The following MAP4K4 variants were observed in gnomAD, a reference collection of about 807,000 sequenced individuals.
The protein encoded by MAP4K4 is mitogen-activated protein kinase kinase kinase kinase 4, also known as HPK/GCK-like kinase HGK.
MAP4K4 carries 38 observed loss-of-function variants against 189.6 expected under a neutral mutation model. The observed-to-expected ratio is 0.20, with a 90% CI of 0.15 to 0.26. MAP4K4 has a LOEUF of 0.26. Ranked by LOEUF, MAP4K4 falls within the 10% of genes least tolerant of loss-of-function variation. The pLI, the probability that MAP4K4 is intolerant of heterozygous loss-of-function variation, is 1.00. For synonymous variants in MAP4K4, 610 were observed against 624.3 expected (o/e 0.98, Z 0.34); for missense variants, 1,054 against 1,726.9 (o/e 0.61, Z 6.91).
At chr2:101,859,580 T>C (rs1456530875) in intron 14 of MAP4K4, 63 bp from the exon 15 acceptor site, 2 of 1,262,778 alleles carry the variant, frequency 1.6e-6, no homozygotes, top group Non-Finnish European at 2.2e-6. Context: ...GCCGAACAAA[T>C]CCAGAGAAGA....
chr2:101,869,566 T>G, intron 21 of MAP4K4, 56 bp from the exon 22 acceptor site: 1 of 1,394,856 alleles, frequency 7.2e-7, no homozygotes, highest in Non-Finnish European at 1.0e-6. Flanking sequence ...ACTTCTCATC[T>G]TCTCCTGTCC....
At chr2:101,816,764 A>T (rs927139429) in intron 3 of MAP4K4, among the ~76,000 whole-genome samples, 1 of 152,188 alleles carries the variant, frequency 6.6e-6, no homozygotes, top group Non-Finnish European at 1.5e-5. Flanking sequence ...GAGTGGTGCC[A>T]CTGACCCAGT....
rs545974055 is a variant in MAP4K4 at position 101,708,577 on chromosome 2, A to G, written c.123+10039A>G. 3.3e-4 allele frequency among the ~76,000 whole-genome samples: 50 copies of G among 152,244 alleles called. 1 individual carries two copies. Among genetic ancestry groups the G allele is most frequent in the African/African-American group, 1.2e-3 (49 of 41,546 alleles). ...TGAACAAACCTTTGAGAGATAGAGG[A>G]GTTTGTTCAGCAGTATTTTTTTTTT... On this transcript the variant is annotated intron_variant, in intron 2 of 32. Transcript: ENST00000324219.
intron 2 of MAP4K4, among the ~76,000 whole-genome samples, chr2:101,724,702 A>G (rs761112178): frequency 2.0e-5 from 3 of 152,162 alleles, no homozygotes; most frequent in Non-Finnish European, 4.4e-5. Context: ...CCTGTGGGTG[A>G]TTCGCCTTGA....
chr2:101,698,194 G>GCAGCCGT, intron 1 of MAP4K4, 57 bp downstream of exon 1: 1 of 890,820 alleles, frequency 1.1e-6, no homozygotes, highest in South Asian at 4.7e-5. Flanking sequence ...CCGGCAGCCG[G>GCAGCCGT]GGCCGCGCCC....
At chr2:101,859,485 C>T (rs2097570833) in intron 14 of MAP4K4, among the ~76,000 whole-genome samples, 158 bp from the exon 15 acceptor site, 1 of 152,120 alleles carries the variant, frequency 6.6e-6, no homozygotes, top group East Asian at 1.9e-4. Flanking sequence ...GAGATTTTTC[C>T]ACAGGTAATG....
At chr2:101,790,401 A>G (rs574233648) in intron 2 of MAP4K4, among the ~76,000 whole-genome samples, 2 of 152,070 alleles carry the variant, frequency 1.3e-5, no homozygotes, top group Non-Finnish European at 2.9e-5. Flanking sequence ...ATAGGAAAAT[A>G]TAAAGAAAAA....
At chr2:101,860,473 G>A (rs2097611389) in intron 15 of MAP4K4, 1 of 188,498 alleles carries the variant, frequency 5.3e-6, no homozygotes, top group Non-Finnish European at 1.1e-5. Context: ...ATTTGGTGGA[G>A]TGAAATGCAT....
At chr2:101,892,998 T>G (rs1230323104) in exon 33 of MAP4K4, 5 of 456,324 alleles carry the variant, frequency 1.1e-5, no homozygotes, top group Non-Finnish European at 2.2e-5. Context: ...GCTTGATCTT[T>G]TTCCTTTGTG....
At chr2:101,816,014 G>A (rs1046556675) in intron 3 of MAP4K4, among the ~76,000 whole-genome samples, 4 of 152,178 alleles carry the variant, frequency 2.6e-5, no homozygotes, top group Non-Finnish European at 4.4e-5. Flanking sequence ...CAGCTGCAGC[G>A]GCTGTGGCCT....
chr2:101,712,145 C>T (rs1217839361), intron 2 of MAP4K4, among the ~76,000 whole-genome samples: 1 of 151,888 alleles, frequency 6.6e-6, no homozygotes, highest in African/African-American at 2.4e-5. Context: ...CATTTCTACC[C>T]ACTTGGCCTT....
Position 101,839,814 on chromosome 2 carries a change from T to A in MAP4K4, c.774-5T>A. 1 of 1,574,588 alleles carries A rather than the reference T, an allele frequency of 6.4e-7. No individual in the cohort carries two copies. ...AAATTTGATGATCTTTTTCACTTCT[T>A]ACAGGTCGAAGAAGTTTTTTAGTTT... On this transcript the variant is annotated splice_region_variant and splice_polypyrimidine_tract_variant and intron_variant, in intron 9 of 32. Transcript: ENST00000324219.
At chr2:101,702,005 A>C (rs1003555209) in intron 2 of MAP4K4, among the ~76,000 whole-genome samples, 2 of 152,088 alleles carry the variant, frequency 1.3e-5, no homozygotes, top group Non-Finnish European at 2.9e-5. Context: ...AGTTGGGATT[A>C]CAAGTGCGTG....
exon 33 of MAP4K4, chr2:101,893,741 A>G (rs1337714716): frequency 3.9e-5 from 6 of 154,656 alleles, no homozygotes; most frequent in Admixed American, 3.8e-4. Context: ...ATGGTGTTTC[A>G]TTGGAATTAC....
chr2:101,855,123 C>T (rs993312029), intron 12 of MAP4K4, among the ~76,000 whole-genome samples: 1 of 152,200 alleles, frequency 6.6e-6, no homozygotes, highest in African/African-American at 2.4e-5. Context: ...TCATCTTGCT[C>T]TGTTCTGTAG....
chr2:101,790,087 G>A (rs543622233), intron 2 of MAP4K4, among the ~76,000 whole-genome samples: 20 of 152,120 alleles, frequency 1.3e-4, no homozygotes, highest in Non-Finnish European at 2.4e-4. Context: ...TGATAGTTTC[G>A]TCATGTTATG....
intron 3 of MAP4K4, among the ~76,000 whole-genome samples, chr2:101,792,925 C>G (rs1052230750): frequency 6.6e-5 from 10 of 152,164 alleles, no homozygotes; most frequent in African/African-American, 2.4e-4. Flanking sequence ...TGAGCCACCG[C>G]GTCTGGCCCT....
At chr2:101,700,800 A>C (rs951706929) in intron 2 of MAP4K4, among the ~76,000 whole-genome samples, 2 of 143,212 alleles carry the variant, frequency 1.4e-5, no homozygotes, top group Non-Finnish European at 3.0e-5. Flanking sequence ...TTTTTTTACT[A>C]TAACAAGTTC....
At position 101,825,442 on chromosome 2, in the gene MAP4K4, G is replaced by A; in HGVS notation, c.417+13G>A. Reference sequence around the variant, plus strand: ...AGAAATCCTGAGGGTAAGGAAAGTGGGTGGCTACAGTGCTCCAACTCATGA... The same window carrying A: ...AGAAATCCTGAGGGTAAGGAAAGTGAGTGGCTACAGTGCTCCAACTCATGA... On this transcript the variant is annotated intron_variant, in intron 5 of 32. Coordinates refer to ENST00000324219, the Ensembl canonical transcript of MAP4K4. 2 of 1,562,462 alleles carry A rather than the reference G, an allele frequency of 1.3e-6. No individual in the cohort carries two copies. Among genetic ancestry groups the A allele is most frequent in the Non-Finnish European group, 1.8e-6 (2 of 1,134,692 alleles).
Sources: gnomAD v4.1 joint callset for allele counts (sites outside exome capture counted in the v4.1 genomes callset) on GRCh38, gnomAD v4.1.1 for gene constraint, MANE v1.5 for transcripts, NCBI Gene and HGNC (gene_info 2026-07-23, HGNC 2026-07-21) for gene names.